The following PADI2 variants were observed in gnomAD, a reference collection of about 807,000 sequenced individuals.
PADI2 encodes the protein peptidyl arginine deiminase 2.
A neutral mutation model predicts 81.1 loss-of-function variants in PADI2; 70 were observed. That is an observed-to-expected ratio of 0.86 (90% CI 0.71 to 1.05). PADI2 has a LOEUF of 1.05. Among genes scored for constraint, PADI2 ranks in the 50% least tolerant of loss-of-function variants. PADI2 has a pLI of 0.00. For synonymous variants in PADI2, 338 were observed against 358.0 expected (o/e 0.94, Z 0.63); for missense variants, 853 against 889.9 (o/e 0.96, Z 0.53).
At position 17,074,911 on chromosome 1, in the gene PADI2, G is replaced by A; in HGVS notation, c.1494C>T (p.Tyr498=). ...CCTTCTGCTTCTCTCGGAAGAGCTTGTAGCAGGCCGAGGTGCTGGCCATGA... is the reference window on the plus strand; with the variant it reads ...CCTTCTGCTTCTCTCGGAAGAGCTTATAGCAGGCCGAGGTGCTGGCCATGA... ...LLLMASTSAC[Y]KLFREKQKDG... Residue 498 remains tyrosine (Y), a synonymous_variant, in exon 13 of 16, where the codon TAC becomes TAT. Transcript: ENST00000375486. 1.2e-6 allele frequency: 2 copies of A among 1,613,350 alleles called. No individual in the cohort carries two copies. The highest frequency in any genetic ancestry group is 2.2e-5 in the South Asian group (2 of 90,964).
rs930422541 is a variant in PADI2 at position 17,077,794 on chromosome 1, C to A, written c.1310+1470G>T. 3.4e-4 allele frequency among the ~76,000 whole-genome samples: 52 copies of A among 152,196 alleles called. 1 individual carries two copies. Among genetic ancestry groups the A allele is most frequent in the Non-Finnish European group, 1.0e-4 (7 of 68,044 alleles). On this transcript the variant is annotated intron_variant, in intron 11 of 15. Transcript: ENST00000375486. Reference sequence around the variant, plus strand: ...ACTGGCGGCCAAATCCTGGCTGACCCCATCTGTGCAGGCTCCTGGCAGCCC... The same window carrying A: ...ACTGGCGGCCAAATCCTGGCTGACCACATCTGTGCAGGCTCCTGGCAGCCC...
intron 12 of PADI2, chr1:17,075,235 G>T: frequency 5.1e-6 from 2 of 395,422 alleles, no homozygotes; most frequent in South Asian, 3.4e-5. Flanking sequence ...GAATTTCCAG[G>T]GTATGAAGTT....
In PADI2 at chr1:17,115,781, T is replaced by A. The variant is rs1188311436; in HGVS notation, c.92+3499A>T. ...GGGCCAGGTGTACCTGTGCCAAGAC[T>A]AAGATGAGTATATTTGGGAAGAGCA... is the stretch of plus-strand genomic sequence containing the variant. On this transcript the variant is annotated intron_variant, in intron 1 of 15. Coordinates refer to ENST00000375486, the MANE Select transcript of PADI2 (RefSeq NM_007365.3). This position sits in a 1 kb window ranked among gnomAD's most constrained non-coding sequence, Gnocchi z 4.1. Among the ~76,000 whole-genome samples the A allele has an allele frequency of 6.6e-6, 1 of 152,222 alleles. No individual in the cohort carries two copies. Among genetic ancestry groups the A allele is most frequent in the Non-Finnish European group, 1.5e-5 (1 of 68,042 alleles).
chr1:17,112,859 G>A (rs2746496), intron 1 of PADI2, among the ~76,000 whole-genome samples: 119,574 of 151,892 alleles, frequency 0.79, 47,892 homozygotes, highest in East Asian at 0.95. Flanking sequence ...ATGTCTGAAC[G>A]ATGTATTCAA....
chr1:17,086,731 AC>A, intron 6 of PADI2, 32 bp from the exon 7 acceptor site: 1 of 1,597,498 alleles, frequency 6.3e-7, no homozygotes, highest in Non-Finnish European at 8.6e-7. Flanking sequence ...TCAGACTCCC[AC>A]CCGCATCAGA....
In PADI2 at chr1:17,111,651, C is replaced by T. The variant is rs72905859; in HGVS notation, c.93-6590G>A. 2.8e-3 allele frequency among the ~76,000 whole-genome samples: 429 copies of T among 152,278 alleles called. 3 individuals carry two copies. Among genetic ancestry groups the T allele is most frequent in the African/African-American group, 9.9e-3 (413 of 41,554 alleles). ...TGTGCATTACCACTACCTACAGGGC[C>T]TACTAAAATACAGGTAAATGGGCCC... On this transcript the variant is annotated intron_variant, in intron 1 of 15. Coordinates refer to ENST00000375486, the MANE Select transcript of PADI2 (RefSeq NM_007365.3).
At chr1:17,113,136 C>G (rs1385429556) in intron 1 of PADI2, among the ~76,000 whole-genome samples, 1 of 152,168 alleles carries the variant, frequency 6.6e-6, no homozygotes, top group Non-Finnish European at 1.5e-5. Context: ...AAATTCAGTT[C>G]TAGATTTCTT....
chr1:17,078,410 C>T (rs2078320817), intron 11 of PADI2, among the ~76,000 whole-genome samples: 1 of 151,406 alleles, frequency 6.6e-6, no homozygotes. Context: ...CGCACCAGGC[C>T]TGATTTTTTT....
intron 15 of PADI2, among the ~76,000 whole-genome samples, chr1:17,069,728 T>C (rs9725030): frequency 2.0e-5 from 3 of 152,336 alleles, no homozygotes; most frequent in African/African-American, 4.8e-5. Flanking sequence ...CATGTGTGTA[T>C]ATATGTGTCC....
intron 6 of PADI2, among the ~76,000 whole-genome samples, chr1:17,091,588 G>C (rs545346495): frequency 6.6e-6 from 1 of 152,134 alleles, no homozygotes; most frequent in African/African-American, 2.4e-5. Context: ...CTTTGCAGAT[G>C]CTGTTGCCTC....
At chr1:17,075,001 G>A (rs1557757924) in intron 12 of PADI2, 52 bp from the exon 13 acceptor site, 1 of 1,186,200 alleles carries the variant, frequency 8.4e-7, no homozygotes. Flanking sequence ...GGCACCCAAG[G>A]AGCACGGGGA....
chr1:17,111,105 T>TG (rs1557773842), intron 1 of PADI2, among the ~76,000 whole-genome samples: 4 of 147,632 alleles, frequency 2.7e-5, no homozygotes, highest in African/African-American at 1.0e-4. Context: ...TTTTTTTTTT[T>TG]GGGACGGAGT....
At chr1:17,072,823 A>C (rs2078273766) in intron 13 of PADI2, among the ~76,000 whole-genome samples, 1 of 152,188 alleles carries the variant, frequency 6.6e-6, no homozygotes, top group African/African-American at 2.4e-5. Context: ...ATTTGTACAA[A>C]AATAATGGTC....
intron 1 of PADI2, 108 bp from the exon 2 acceptor site, chr1:17,105,169 A>C: frequency 6.9e-6 from 5 of 728,672 alleles, no homozygotes; most frequent in Non-Finnish European, 1.0e-5. Context: ...AAAGCCCGAG[A>C]ATCACTTGAG....
chr1:17,079,736 T>G (rs908540458), intron 10 of PADI2, among the ~76,000 whole-genome samples: 1 of 152,110 alleles, frequency 6.6e-6, no homozygotes, highest in East Asian at 1.9e-4. Context: ...CAGATACATA[T>G]TGGTGATTTC....
Position 17,069,260 on chromosome 1 carries a change from C to G in PADI2, c.1782G>C (p.Leu594=). ...FFPNMVNMIV[L]DKDLGIPKPF... is the part of the protein sequence containing the mutation. Reference sequence around the variant, plus strand: ...GCTTGGGGATGCCCAGGTCCTTGTCCAGCACGATCATGTTCACCTGTGACG... The same window carrying G: ...GCTTGGGGATGCCCAGGTCCTTGTCGAGCACGATCATGTTCACCTGTGACG... The change falls in exon 16 of 16, where the codon CTG becomes CTC. Residue 594 remains leucine, a synonymous_variant. Coordinates refer to ENST00000375486, the MANE Select transcript of PADI2 (RefSeq NM_007365.3). 2 of 1,614,120 alleles carry G rather than the reference C, an allele frequency of 1.2e-6. No homozygotes were observed. The highest frequency in any genetic ancestry group is 1.7e-6 in the Non-Finnish European group (2 of 1,179,940).
chr1:17,092,480 G>A lies in PADI2; in HGVS notation c.583C>T (p.Pro195Ser), dbSNP rs1489428041. ...ILRTKGPDRL[P>S]AGYEIVLYIS... ...TACAGAACTATCTCGTATCCGGCGG[G>A]GAGGCGGTCGGGGCCTTTGGTCCGC... The change falls in exon 6 of 16, where the codon CCC becomes TCC. Residue 195 changes from proline (P) to serine (S), a missense_variant. Coordinates refer to ENST00000375486, the MANE Select transcript of PADI2 (RefSeq NM_007365.3). The A allele has an allele frequency of 1.2e-6, 2 of 1,603,350 alleles. No homozygotes were observed. The highest frequency in any genetic ancestry group is 1.1e-5 in the South Asian group (1 of 90,196).
intron 1 of PADI2, among the ~76,000 whole-genome samples, chr1:17,107,513 A>G (rs895417386): frequency 2.6e-5 from 4 of 152,174 alleles, no homozygotes; most frequent in Non-Finnish European, 5.9e-5. Flanking sequence ...AGAGCATCCA[A>G]TTCAGGAGGT....
chr1:17,097,157 G>T (rs2746511), intron 3 of PADI2, among the ~76,000 whole-genome samples: 2 of 152,256 alleles, frequency 1.3e-5, no homozygotes, highest in Non-Finnish European at 1.5e-5. Context: ...CTCATCTCAC[G>T]CTGAGCATGA....
Sources: gnomAD v4.1 joint callset for allele counts (sites outside exome capture counted in the v4.1 genomes callset) on GRCh38, gnomAD v4.1.1 for gene constraint, Gnocchi (gnomAD v3.1) non-coding constraint, MANE v1.5 for transcripts, NCBI Gene and HGNC (gene_info 2026-07-23, HGNC 2026-07-21) for gene names.